ETS2: variants seen among roughly 807,000 people sequenced by gnomAD.
ETS2 encodes the protein protein C-ets-2.
A neutral mutation model predicts 54.9 loss-of-function variants in ETS2; 19 were observed. That is an observed-to-expected ratio of 0.35 (90% CI 0.24 to 0.51). The LOEUF (loss-of-function observed/expected upper bound fraction) is 0.51. Ranked by LOEUF, ETS2 falls within the 20% of genes least tolerant of loss-of-function variation. ETS2 has a pLI of 0.97. For missense variants in ETS2, 417 were observed against 593.0 expected (o/e 0.70, Z 3.08); for synonymous variants, 219 against 229.3 (o/e 0.95, Z 0.41).
At chr21:38,805,717 C>A (rs1445549052), upstream of ETS2, 7 of 1,041,916 alleles carry the variant, frequency 6.7e-6, no homozygotes, top group Non-Finnish European at 8.6e-6. This position sits in a 1 kb window ranked among gnomAD's most constrained non-coding sequence, Gnocchi z 5.2. Flanking sequence ...TCCGCTCCCC[C>A]AACCCTCCTG....
At chr21:38,819,071 C>T (rs553349631) in intron 7 of ETS2, among the ~76,000 whole-genome samples, 4 of 152,316 alleles carry the variant, frequency 2.6e-5, no homozygotes, top group African/African-American at 9.6e-5. Flanking sequence ...CTTCGTACCC[C>T]TTCCCATCAA....
upstream of ETS2, chr21:38,805,549 C>CT: frequency 7.8e-7 from 1 of 1,285,316 alleles, no homozygotes; most frequent in Non-Finnish European, 1.0e-6. The surrounding 1 kb of genome is among the most constrained non-coding windows in gnomAD (Gnocchi z 5.2). Flanking sequence ...GGCCGAGGCC[C>CT]TGCTCCCGGG....
chr21:38,821,502 G>C lies in ETS2; in HGVS notation c.1076-84G>C. 1.0e-6 allele frequency: 1 copy of C among 982,576 alleles called. No individual in the cohort carries two copies. The highest frequency in any genetic ancestry group is 1.4e-5 in the South Asian group (1 of 73,068). 60.9% of individuals were successfully genotyped at this position (982,576 alleles called of 1,614,324 possible). A position where few individuals can be genotyped will look rare whatever the true frequency, so the allele number is the denominator to read the frequency against. ...GAGTTGGGTCTGCATTCCTAAATCA[G>C]CATGTACAATTAGGATGGTTAAAGA... On this transcript the variant is annotated intron_variant, in intron 8 of 9. Transcript: ENST00000360938. The surrounding 1 kb of genome is among the most constrained non-coding windows in gnomAD (Gnocchi z 4.2).
In ETS2 at chr21:38,814,206, C is replaced by CG. The variant is rs2060923923; in HGVS notation, c.185-67_185-66insG. On this transcript the variant is annotated intron_variant, in intron 3 of 9. Transcript: ENST00000360938. This position sits in a 1 kb window ranked among gnomAD's most constrained non-coding sequence, Gnocchi z 4.2. Reference sequence around the variant, plus strand: ...TTCTTTTCCAAAAACTAAGATGTCTCTCCTAAATCTCCACCTGATATCACC... The same window carrying CG: ...TTCTTTTCCAAAAACTAAGATGTCTCGTCCTAAATCTCCACCTGATATCACC... 2.0e-6 allele frequency: 3 copies of CG among 1,517,910 alleles called. No homozygotes were observed. In the African/African-American group the frequency reaches 4.2e-5, roughly 21 times the overall value. 94.0% of individuals were successfully genotyped at this position (1,517,910 alleles called of 1,614,324 possible).
intron 2 of ETS2, among the ~76,000 whole-genome samples, chr21:38,812,653 C>T (rs1006350701): frequency 3.3e-5 from 5 of 152,220 alleles, no homozygotes; most frequent in South Asian, 4.1e-4. Flanking sequence ...TGGTGGTGGG[C>T]GCCTGTAGTC....
At chr21:38,811,876 G>T (rs570574513) in intron 2 of ETS2, among the ~76,000 whole-genome samples, 3 of 152,000 alleles carry the variant, frequency 2.0e-5, no homozygotes, top group Non-Finnish European at 4.4e-5. Flanking sequence ...TAAGCAACAG[G>T]GTCCTTCTCT....
At position 38,824,132 on chromosome 21, in the gene ETS2, ACGGG is replaced by A. The variant is rs2060969531; in HGVS notation, c.*1244_*1247del. ...TAAAGTTACTGTACAGAGCTGAAGG[ACGGG>A]GGGCGGTAGGGGTCTTGATGAAACC... On this transcript the variant is annotated 3_prime_UTR_variant, in exon 10 of 10. Coordinates refer to ENST00000360938, the MANE Select transcript of ETS2 (RefSeq NM_005239.6). The A allele has an allele frequency of 6.6e-6, 1 of 152,644 alleles. No individual in the cohort carries two copies. The highest frequency in any genetic ancestry group is 2.4e-5 in the African/African-American group (1 of 41,450). 9.5% of individuals were successfully genotyped at this position (152,644 alleles called of 1,614,324 possible).
Position 38,823,015 on chromosome 21 carries a change from A to G in ETS2, c.*126A>G, listed in dbSNP as rs2060964775. On this transcript the variant is annotated 3_prime_UTR_variant, in exon 10 of 10. Coordinates refer to ENST00000360938, the MANE Select transcript of ETS2 (RefSeq NM_005239.6). ...ATGTCCAGGAAAGTGGCCAAGAAGCAGTGGCCTTATTGCATCCCAAACCAC... is the reference window on the plus strand; with the variant it reads ...ATGTCCAGGAAAGTGGCCAAGAAGCGGTGGCCTTATTGCATCCCAAACCAC... The G allele has an allele frequency of 1.3e-6, 1 of 757,668 alleles. No homozygotes were observed. The highest frequency in any genetic ancestry group is 2.3e-5 in the South Asian group (1 of 42,718). The allele number at this position is 757,668 out of a possible 1,614,324, so 46.9% of individuals were successfully genotyped here.
At position 38,818,456 on chromosome 21, in the gene ETS2, G is replaced by A. The variant is rs981053782; in HGVS notation, c.621G>A (p.Met207Ile). 11 of 1,614,152 alleles carry A rather than the reference G, an allele frequency of 6.8e-6. No individual in the cohort carries two copies. Among genetic ancestry groups the A allele is most frequent in the Non-Finnish European group, 7.6e-6 (9 of 1,180,022 alleles). The change falls in exon 7 of 10, where the codon ATG (methionine) becomes ATA (isoleucine). Residue 207 changes from methionine to isoleucine, a missense_variant. Physicochemically the swap from Met to Ile is conservative, Grantham distance 10. Transcript: ENST00000360938. ...GCACAGAGCAGGCGCCCTATGGAAT[G>A]CAGACACAGAATTACCCCAAAGGCG... ...GFGTEQAPYG[M>I]QTQNYPKGGL... is the part of the protein sequence containing the mutation.
At chr21:38,815,171 T>A (rs1481237538) in intron 5 of ETS2, among the ~76,000 whole-genome samples, 190 bp downstream of exon 5, 5 of 108,444 alleles carry the variant, frequency 4.6e-5, no homozygotes, top group Middle Eastern at 5.2e-3. Flanking sequence ...TCCCACTTTA[T>A]GTGAGTGTGT....
rs149896745 is a variant in ETS2, at chr21:38,811,838, G to A, written c.73-1165G>A. Among the ~76,000 whole-genome samples the A allele has an allele frequency of 3.4e-3, 510 of 151,986 alleles. 2 individuals are homozygous for A. Among genetic ancestry groups the A allele is most frequent in the Non-Finnish European group, 5.9e-3 (401 of 67,950 alleles). On this transcript the variant is annotated intron_variant, in intron 2 of 9. Transcript: ENST00000360938. ...AGGTGATTTGGGTTTTTTTTGTTTTGTTTTATTTGTTTTTTCGTTTTTGGT... is the reference window on the plus strand; with the variant it reads ...AGGTGATTTGGGTTTTTTTTGTTTTATTTTATTTGTTTTTTCGTTTTTGGT...
chr21:38,816,877 A>T, intron 5 of ETS2, 131 bp from the exon 6 acceptor site: 1 of 585,734 alleles, frequency 1.7e-6, no homozygotes, highest in Non-Finnish European at 3.0e-6. Flanking sequence ...GCACCATGAG[A>T]TTAAATGTGA....
chr21:38,814,315 A>G lies in ETS2; in HGVS notation c.227A>G (p.Lys76Arg). The stretch of plus-strand genomic sequence containing the variant: ...TTGCCTTTGTTAACCCCGTGCAGCA[A>G]GGCTGTGATGAGTCAAGCCTTAAAA... ...CELPLLTPCS[K>R]AVMSQALKAT... The change falls in exon 4 of 10, where the codon AAG becomes AGG. Residue 76 changes from lysine (K) to arginine (R), a missense_variant. Coordinates refer to ENST00000360938, the MANE Select transcript of ETS2 (RefSeq NM_005239.6). The surrounding 1 kb of genome is among the most constrained non-coding windows in gnomAD (Gnocchi z 4.2). The G allele has an allele frequency of 6.2e-7, 1 of 1,614,140 alleles. No individual in the cohort carries two copies. The highest frequency in any genetic ancestry group is 1.1e-5 in the South Asian group (1 of 91,086).
chr21:38,811,714 A>C (rs1368908219), intron 2 of ETS2, among the ~76,000 whole-genome samples: 2 of 152,186 alleles, frequency 1.3e-5, no homozygotes, highest in African/African-American at 4.8e-5. Flanking sequence ...TCAGAAATCG[A>C]GTTAGTGTAA....
chr21:38,817,605 C>T (rs1429731846), intron 6 of ETS2, among the ~76,000 whole-genome samples: 1 of 152,298 alleles, frequency 6.6e-6, no homozygotes, highest in African/African-American at 2.4e-5. Context: ...AAACAAGAGG[C>T]GGCAGGCACA....
Position 38,814,520 on chromosome 21 carries a change from C to T in ETS2, c.304+128C>T, listed in dbSNP as rs1318944774. 4 of 1,184,762 alleles carry T rather than the reference C, an allele frequency of 3.4e-6. No homozygotes were observed. Among genetic ancestry groups the T allele is most frequent in the East Asian group, 2.4e-5 (1 of 41,078 alleles). 73.4% of individuals were successfully genotyped at this position (1,184,762 alleles called of 1,614,324 possible). On this transcript the variant is annotated intron_variant, in intron 4 of 9. Coordinates refer to ENST00000360938, the MANE Select transcript of ETS2 (RefSeq NM_005239.6). This position sits in a 1 kb window ranked among gnomAD's most constrained non-coding sequence, Gnocchi z 4.2. ...CAAAGAGTAGCATGGATGTCGTTAA[C>T]CTGAGCCAGTTTCTGTTTCACCCCA...
intron 5 of ETS2, among the ~76,000 whole-genome samples, chr21:38,815,649 G>C (rs1479119165): frequency 6.6e-6 from 1 of 151,698 alleles, no homozygotes; most frequent in Non-Finnish European, 1.5e-5. Context: ...AAGAAAAGAG[G>C]GCCAGGTGCG....
chr21:38,810,228 T>G, intron 2 of ETS2, 122 bp downstream of exon 2: 1 of 588,002 alleles, frequency 1.7e-6, no homozygotes. Flanking sequence ...TTATTGGCCA[T>G]GTGACTATAG....
At chr21:38,820,149 A>T (rs1319480092) in intron 8 of ETS2, among the ~76,000 whole-genome samples, 3 of 152,190 alleles carry the variant, frequency 2.0e-5, no homozygotes, top group Admixed American at 6.5e-5. Flanking sequence ...TAATATGGGC[A>T]CTGTTTACCT....
Sources: gnomAD v4.1 joint callset for allele counts (sites outside exome capture counted in the v4.1 genomes callset) on GRCh38, gnomAD v4.1.1 for gene constraint, Gnocchi (gnomAD v3.1) non-coding constraint, MANE v1.5 for transcripts, NCBI Gene and HGNC (gene_info 2026-07-23, HGNC 2026-07-21) for gene names.